NRXN3: variants seen among roughly 807,000 people sequenced by gnomAD.
NRXN3 encodes the protein neurexin 3.
A neutral mutation model predicts 137.6 loss-of-function variants in NRXN3; 32 were observed. The observed-to-expected ratio is 0.23, with a 90% CI of 0.18 to 0.31. The LOEUF is 0.31. NRXN3 is among the 10% of genes least tolerant of loss of function. The pLI, the probability that NRXN3 is intolerant of heterozygous loss-of-function variation, is 1.00. For missense variants in NRXN3, 1,574 were observed against 2,062.5 expected (o/e 0.76, Z 4.59); for synonymous variants, 798 against 784.5 (o/e 1.02, Z -0.29).
At chr14:79,415,941 A>G (rs2095490684) in intron 15 of NRXN3, among the ~76,000 whole-genome samples, 1 of 152,132 alleles carries the variant, frequency 6.6e-6, no homozygotes, top group African/African-American at 2.4e-5. Context: ...TATACATGTT[A>G]AAGGTTGTGA....
intron 16 of NRXN3, among the ~76,000 whole-genome samples, chr14:79,590,607 C>T (rs757003141): frequency 1.3e-5 from 2 of 152,048 alleles, no homozygotes; most frequent in African/African-American, 2.4e-5. Context: ...TCTCCTTCTC[C>T]ATCCCCTGGT....
intron 10 of NRXN3, among the ~76,000 whole-genome samples, chr14:78,880,001 A>C (rs1363112862): frequency 4.0e-5 from 6 of 150,828 alleles, no homozygotes. Flanking sequence ...GCACTTTGGG[A>C]GGCCGAGGCG....
intron 20 of NRXN3, among the ~76,000 whole-genome samples, chr14:79,850,493 A>G (rs1467617711): frequency 6.6e-6 from 1 of 152,208 alleles, no homozygotes. Flanking sequence ...TCTTTGAAAC[A>G]AGTTCCCAAG....
chr14:79,541,144 C>A (rs1400776655), intron 16 of NRXN3, among the ~76,000 whole-genome samples: 1 of 152,142 alleles, frequency 6.6e-6, no homozygotes, highest in Non-Finnish European at 1.5e-5. Flanking sequence ...GGAGCGGTGG[C>A]TCAAACCTGT....
intron 16 of NRXN3, among the ~76,000 whole-genome samples, chr14:79,576,990 C>T (rs2097670893): frequency 6.6e-6 from 1 of 152,060 alleles, no homozygotes; most frequent in African/African-American, 2.4e-5. Context: ...TAATGACTCC[C>T]ACGTCAAGAT....
intron 19 of NRXN3, among the ~76,000 whole-genome samples, chr14:79,702,608 G>A (rs2098758895): frequency 6.6e-6 from 1 of 151,898 alleles, no homozygotes; most frequent in Admixed American, 6.6e-5. Flanking sequence ...TGCATAAGAG[G>A]GAGTTTGTGA....
At chr14:79,824,892 G>A (rs548582363) in intron 20 of NRXN3, among the ~76,000 whole-genome samples, 1 of 152,192 alleles carries the variant, frequency 6.6e-6, no homozygotes, top group African/African-American at 2.4e-5. Context: ...CTTATTCTAA[G>A]AATGTTCTTA....
At chr14:78,568,712 T>A (rs2096859545) in intron 4 of NRXN3, among the ~76,000 whole-genome samples, 1 of 152,256 alleles carries the variant, frequency 6.6e-6, no homozygotes, top group South Asian at 2.1e-4. Flanking sequence ...TTTTACTGAC[T>A]GCATATTGAA....
intron 4 of NRXN3, among the ~76,000 whole-genome samples, chr14:78,380,937 A>G (rs1018124064): frequency 2.0e-5 from 3 of 152,178 alleles, no homozygotes; most frequent in Non-Finnish European, 2.9e-5. Context: ...AGTAATCAAG[A>G]CTGTGTGTTA....
intron 6 of NRXN3, among the ~76,000 whole-genome samples, chr14:78,653,166 G>A (rs1448266745): frequency 2.6e-5 from 4 of 152,200 alleles, no homozygotes; most frequent in Non-Finnish European, 5.9e-5. Context: ...TTATCTCTCT[G>A]CAGGATGTTA....
chr14:78,495,061 C>T (rs144022188), intron 4 of NRXN3, among the ~76,000 whole-genome samples: 18 of 150,918 alleles, frequency 1.2e-4, no homozygotes, highest in Admixed American at 1.3e-4. Context: ...CCCTGGTGTA[C>T]CCTGGGGAAA....
At chr14:78,887,078 C>T (rs1259432995) in intron 10 of NRXN3, among the ~76,000 whole-genome samples, 4 of 152,110 alleles carry the variant, frequency 2.6e-5, no homozygotes, top group East Asian at 1.9e-4. Context: ...TTTCTGATGG[C>T]GATGGTGATG....
At chr14:78,360,878 C>T (rs2085013033) in intron 4 of NRXN3, among the ~76,000 whole-genome samples, 1 of 152,020 alleles carries the variant, frequency 6.6e-6, no homozygotes, top group African/African-American at 2.4e-5. Context: ...TTGTCTTTTC[C>T]CTCTGAGTTT....
In NRXN3 at chr14:79,093,984, C is replaced by G. The variant is rs58073263; in HGVS notation, c.3262+105843C>G. On this transcript the variant is annotated intron_variant, in intron 15 of 20. Coordinates refer to ENST00000335750, the MANE Select transcript of NRXN3 (RefSeq NM_001330195.2). ...ATTGCTATGAACCATCAGGGCAACTCAACCCAAATATGCATTTATCAGGAG... is the reference window on the plus strand; with the variant it reads ...ATTGCTATGAACCATCAGGGCAACTGAACCCAAATATGCATTTATCAGGAG... Among the ~76,000 whole-genome samples the G allele has an allele frequency of 2.6e-3, 389 of 152,158 alleles. 2 individuals are homozygous for G. The highest frequency in any genetic ancestry group is 9.0e-3 in the African/African-American group (374 of 41,512).
intron 8 of NRXN3, among the ~76,000 whole-genome samples, chr14:78,776,199 T>C (rs2098744422): frequency 6.6e-6 from 1 of 152,242 alleles, no homozygotes; most frequent in Non-Finnish European, 1.5e-5. Context: ...ATGATAGCTA[T>C]ATTATTAAAC....
chr14:79,208,838 T>G (rs2067195592), intron 15 of NRXN3, among the ~76,000 whole-genome samples: 1 of 152,318 alleles, frequency 6.6e-6, no homozygotes, highest in Admixed American at 6.5e-5. Context: ...AAGAGTATAC[T>G]TTAAGAAAAA....
At chr14:79,804,460 G>A (rs1355613988) in intron 19 of NRXN3, among the ~76,000 whole-genome samples, 1 of 152,122 alleles carries the variant, frequency 6.6e-6, no homozygotes, top group African/African-American at 2.4e-5. Context: ...AGTCAGAACT[G>A]TTTTTGCTCT....
intron 15 of NRXN3, among the ~76,000 whole-genome samples, chr14:79,017,839 C>T (rs145187867): frequency 3.7e-4 from 57 of 152,190 alleles, no homozygotes; most frequent in Non-Finnish European, 6.3e-4. Context: ...ATGATTTTGA[C>T]ACCACACACG....
intron 10 of NRXN3, among the ~76,000 whole-genome samples, chr14:78,830,065 A>T (rs1019260443): frequency 6.6e-6 from 1 of 152,166 alleles, no homozygotes; most frequent in Non-Finnish European, 1.5e-5. Context: ...GAATTCATAA[A>T]ATAGTATATC....
Sources: allele counts gnomAD v4.1 joint callset (sites outside exome capture counted in the v4.1 genomes callset), GRCh38; gene constraint gnomAD v4.1.1; transcripts MANE v1.5; gene names NCBI Gene and HGNC (gene_info 2026-07-23, HGNC 2026-07-21).